ADGRL3: variants seen among roughly 807,000 people sequenced by gnomAD.
ADGRL3 encodes calcium-independent alpha-latrotoxin receptor 3.
A neutral mutation model predicts 153.5 loss-of-function variants in ADGRL3; 62 were observed. The ratio of observed to expected loss-of-function variants is 0.40; its 90% CI spans 0.33 to 0.50. ADGRL3 has a LOEUF of 0.50. ADGRL3 is among the 20% of genes least tolerant of loss of function. The pLI, the probability that ADGRL3 is intolerant of heterozygous loss-of-function variation, is 0.47. For missense variants in ADGRL3, 1,641 were observed against 1,859.4 expected (o/e 0.88, Z 2.16); for synonymous variants, 710 against 672.5 (o/e 1.06, Z -0.86).
At chr4:62,029,967 A>G (rs1345480446) in intron 22 of ADGRL3, among the ~76,000 whole-genome samples, 1 of 151,578 alleles carries the variant, frequency 6.6e-6, no homozygotes, top group African/African-American at 2.4e-5. Flanking sequence ...ATTAACACCT[A>G]AAATGTTTTG....
At chr4:61,284,104 A>G (rs2093830587) in intron 1 of ADGRL3, among the ~76,000 whole-genome samples, 2 of 151,932 alleles carry the variant, frequency 1.3e-5, no homozygotes, top group South Asian at 4.1e-4. Flanking sequence ...ATTTTCTTCC[A>G]TGGCGTCTTA....
At chr4:61,703,009 T>C (rs554179556) in intron 6 of ADGRL3, among the ~76,000 whole-genome samples, 17 of 152,254 alleles carry the variant, frequency 1.1e-4, no homozygotes, top group African/African-American at 3.6e-4. Flanking sequence ...TAATTCAGTA[T>C]CACTGTGATG....
At chr4:61,412,867 T>A (rs1447592890) in intron 2 of ADGRL3, among the ~76,000 whole-genome samples, 1 of 152,240 alleles carries the variant, frequency 6.6e-6, no homozygotes, top group East Asian at 1.9e-4. Flanking sequence ...TGATGATTGC[T>A]TTAAAAATCT....
intron 1 of ADGRL3, among the ~76,000 whole-genome samples, chr4:61,251,240 C>G (rs1759138266): frequency 6.6e-6 from 1 of 152,178 alleles, no homozygotes; most frequent in Admixed American, 6.6e-5. Context: ...GGCTCTTTCA[C>G]TCACACGCCT....
intron 1 of ADGRL3, among the ~76,000 whole-genome samples, chr4:61,265,407 G>GT (rs1443431759): frequency 6.6e-6 from 1 of 151,690 alleles, no homozygotes; most frequent in South Asian, 2.1e-4. Context: ...TCTCTTCTAG[G>GT]TTTTTTATCC....
intron 11 of ADGRL3, among the ~76,000 whole-genome samples, chr4:61,901,049 C>A (rs1435161041): frequency 1.3e-5 from 2 of 152,184 alleles, no homozygotes; most frequent in East Asian, 3.9e-4. Context: ...TATAATTTCA[C>A]CCGTCTTTTT....
At chr4:61,885,026 C>G (rs1027880679) in intron 9 of ADGRL3, among the ~76,000 whole-genome samples, 1 of 151,804 alleles carries the variant, frequency 6.6e-6, no homozygotes, top group African/African-American at 2.4e-5. Flanking sequence ...CCTATAATCC[C>G]AGCACTTTGG....
In ADGRL3 at chr4:62,027,126, A is replaced by G. The variant is rs564771978; in HGVS notation, c.3396-1729A>G. 1.4e-3 allele frequency among the ~76,000 whole-genome samples: 217 copies of G among 152,204 alleles called. 1 individual carries two copies. Among genetic ancestry groups the G allele is most frequent in the African/African-American group, 5.0e-3 (208 of 41,576 alleles). On this transcript the variant is annotated intron_variant, in intron 21 of 26. Coordinates refer to ENST00000683033, the MANE Select transcript of ADGRL3 (RefSeq NM_001387552.1). ...CTGATGCAATGGGAATGCATATAAT[A>G]TAATAAATATCACATTATTATGTTT...
intron 4 of ADGRL3, among the ~76,000 whole-genome samples, chr4:61,579,769 T>C (rs868621371): frequency 2.6e-5 from 4 of 152,248 alleles, no homozygotes; most frequent in Middle Eastern, 6.8e-3. Context: ...CTTTTTTAAT[T>C]GTCACTTTGT....
intron 1 of ADGRL3, among the ~76,000 whole-genome samples, chr4:61,348,561 G>A (rs565288718): frequency 2.0e-5 from 3 of 151,950 alleles, no homozygotes; most frequent in East Asian, 1.9e-4. Flanking sequence ...TCTTTGGAAG[G>A]TGGAAGCATA....
intron 3 of ADGRL3, among the ~76,000 whole-genome samples, chr4:61,497,735 A>G (rs2098337241): frequency 6.7e-6 from 1 of 149,468 alleles, no homozygotes; most frequent in South Asian, 2.1e-4. Context: ...AGTGTTAGCC[A>G]GGATGGTCTC....
At chr4:61,438,870 G>C (rs1162456626) in intron 2 of ADGRL3, among the ~76,000 whole-genome samples, 2 of 151,836 alleles carry the variant, frequency 1.3e-5, no homozygotes, top group Non-Finnish European at 2.9e-5. Flanking sequence ...ACCACGCCCG[G>C]CTAATTTTTT....
intron 2 of ADGRL3, among the ~76,000 whole-genome samples, chr4:61,457,237 A>G (rs1047146074): frequency 6.6e-6 from 1 of 152,032 alleles, no homozygotes; most frequent in Non-Finnish European, 1.5e-5. Context: ...TTAAAAACTT[A>G]TTTCACATAG....
intron 4 of ADGRL3, 110 bp downstream of exon 4, chr4:61,517,628 C>A (rs1037302795): frequency 2.0e-5 from 13 of 644,528 alleles, no homozygotes; most frequent in Admixed American, 1.8e-4. Context: ...TTACTGTCTG[C>A]ATTCACTTTT....
At chr4:61,915,396 G>C (rs562957240) in intron 13 of ADGRL3, among the ~76,000 whole-genome samples, 2 of 151,320 alleles carry the variant, frequency 1.3e-5, no homozygotes, top group Non-Finnish European at 2.9e-5. Context: ...ACCATCAAAA[G>C]CTGAAGATCA....
chr4:61,597,975 C>G (rs536400972), intron 5 of ADGRL3, among the ~76,000 whole-genome samples: 95 of 152,128 alleles, frequency 6.2e-4, no homozygotes, highest in African/African-American at 2.3e-3. Context: ...ACATACTGCT[C>G]TCTCACAAAT....
intron 5 of ADGRL3, among the ~76,000 whole-genome samples, chr4:61,609,253 C>G (rs2099044142): frequency 6.6e-6 from 1 of 152,006 alleles, no homozygotes; most frequent in Non-Finnish European, 1.5e-5. Flanking sequence ...CATCAGTATT[C>G]TCAGAGAAAT....
chr4:61,641,166 C>G (rs1377537133), intron 5 of ADGRL3, among the ~76,000 whole-genome samples: 2 of 151,942 alleles, frequency 1.3e-5, no homozygotes, highest in African/African-American at 4.8e-5. Context: ...AATAATAATA[C>G]CAACCTCACA....
At chr4:62,021,707 A>G (rs548125102) in intron 21 of ADGRL3, among the ~76,000 whole-genome samples, 1 of 151,974 alleles carries the variant, frequency 6.6e-6, no homozygotes, top group Admixed American at 6.6e-5. Context: ...CTTTTTCATT[A>G]TTATTATATC....
Sources: allele counts gnomAD v4.1 joint callset (sites outside exome capture counted in the v4.1 genomes callset), GRCh38; gene constraint gnomAD v4.1.1; transcripts MANE v1.5; gene names NCBI Gene and HGNC (gene_info 2026-07-23, HGNC 2026-07-21).